Variants in LYST observed in about 807,000 individuals in gnomAD.
The protein encoded by LYST is lysosomal-trafficking regulator.
Under a neutral mutation model 413.6 loss-of-function variants are expected in LYST, and 192 were observed. The ratio of observed to expected loss-of-function variants is 0.46; its 90% confidence interval spans 0.41 to 0.52. The LOEUF is 0.52. Among genes scored for constraint, LYST ranks in the 20% least tolerant of loss-of-function variants. The pLI, the probability that LYST is intolerant of heterozygous loss-of-function variation, is 0.00. For synonymous variants in LYST, 1,525 were observed against 1,567.3 expected (o/e 0.97, Z 0.64); for missense variants, 3,815 against 4,499.9 (o/e 0.85, Z 4.35).
intron 50 of LYST, among the ~76,000 whole-genome samples, chr1:235,670,723 A>G (rs1222049300): frequency 6.6e-6 from 1 of 152,216 alleles, no homozygotes; most frequent in African/African-American, 2.4e-5. Flanking sequence ...AAGTATGTGA[A>G]TGAGATGCAC....
At chr1:235,679,439 T>C (rs1659638625) in intron 48 of LYST, among the ~76,000 whole-genome samples, 1 of 152,128 alleles carries the variant, frequency 6.6e-6, no homozygotes. Flanking sequence ...TCTTTGAAAA[T>C]TTCCTAAGTT....
At chr1:235,747,079 C>G in intron 28 of LYST, 1 of 274,298 alleles carries the variant, frequency 3.6e-6, no homozygotes, top group Non-Finnish European at 7.3e-6. Context: ...ACATATGCAT[C>G]ATTTGGAATT....
chr1:235,705,505 C>T (rs564420085), intron 44 of LYST, among the ~76,000 whole-genome samples: 2 of 151,710 alleles, frequency 1.3e-5, no homozygotes, highest in East Asian at 3.9e-4. Flanking sequence ...ACTGCCTCAG[C>T]CTTTTGAGTA....
chr1:235,690,859 G>A (rs1572004384), intron 47 of LYST, among the ~76,000 whole-genome samples: 3 of 152,002 alleles, frequency 2.0e-5, no homozygotes, highest in African/African-American at 7.2e-5. Context: ...TTACAGTCTG[G>A]AACGGTTGCA....
chr1:235,771,608 T>C (rs1191217053), intron 19 of LYST, among the ~76,000 whole-genome samples: 2 of 151,936 alleles, frequency 1.3e-5, no homozygotes. Flanking sequence ...CTTTTTTTTT[T>C]AGATCTGAAA....
At chr1:235,797,071 A>G (rs552078216) in intron 10 of LYST, among the ~76,000 whole-genome samples, 63 of 152,358 alleles carry the variant, frequency 4.1e-4, no homozygotes, top group African/African-American at 1.5e-3. Flanking sequence ...CAGTCTGTCA[A>G]TTTCTCAAAT....
rs1408975983 is a variant in LYST at position 235,810,384 on chromosome 1, C to T, written c.434G>A (p.Arg145Gln). The change falls in exon 5 of 53, where the codon CGA (arginine) becomes CAA (glutamine). Residue 145 changes from arginine to glutamine, a missense_variant. Transcript: ENST00000389793. ...AKVNVFRKSR[R>Q]QRKITHRYSV... ...ATAGCGATGGGTAATTTTACGCTGT[C>T]GTCTGCTTTTTCGAAAAACATTTAC... The T allele has an allele frequency of 5.0e-6, 8 of 1,612,822 alleles. No individual in the cohort carries two copies. The highest frequency in any genetic ancestry group is 2.2e-5 in the East Asian group (1 of 44,874).
In LYST at chr1:235,715,351, C is replaced by T; in HGVS notation, c.9634G>A (p.Glu3212Lys). Residue 3212 changes from glutamate to lysine, a missense_variant, in exon 42 of 53, where the codon GAG (glutamate) becomes AAG (lysine). Glu to Lys is a moderately conservative substitution (Grantham distance 56, BLOSUM62 1). Around this residue, in one of 4 missense-constraint regions of LYST, gnomAD observed 866 missense variants for 1,156.0 expected, o/e 0.75. Transcript: ENST00000389793. ...DRYVDTYKYL[E>K]EEYRKGARED... ...CTGGCTCCTTTGCGGTACTCTTCCT[C>T]CAAGTACTGAAAGAAACGGTGAATC... 3 of 1,613,792 alleles carry T rather than the reference C, an allele frequency of 1.9e-6. No homozygotes were observed. The highest frequency in any genetic ancestry group is 2.5e-6 in the Non-Finnish European group (3 of 1,179,844).
chr1:235,729,433 T>G (rs1032914306), intron 37 of LYST, among the ~76,000 whole-genome samples, 163 bp downstream of exon 37: 1 of 152,252 alleles, frequency 6.6e-6, no homozygotes, highest in Non-Finnish European at 1.5e-5. Context: ...TTCACATTCA[T>G]GACTCATATG....
intron 1 of LYST, among the ~76,000 whole-genome samples, chr1:235,860,690 T>A (rs1326795944): frequency 1.3e-5 from 2 of 152,208 alleles, no homozygotes. Flanking sequence ...ACTTTACAGG[T>A]ATAACTGACA....
chr1:235,800,620 A>AT (rs1672109920), intron 9 of LYST, among the ~76,000 whole-genome samples: 1 of 152,212 alleles, frequency 6.6e-6, no homozygotes, highest in Non-Finnish European at 1.5e-5. Context: ...TTTTAAAAAT[A>AT]TTACCCAGTC....
intron 45 of LYST, among the ~76,000 whole-genome samples, chr1:235,699,461 C>A (rs1439657572): frequency 1.3e-5 from 2 of 152,156 alleles, no homozygotes. Flanking sequence ...TATATATTTT[C>A]TTTATCTAGT....
chr1:235,855,002 C>T (rs1339387834), intron 1 of LYST, among the ~76,000 whole-genome samples: 4 of 152,184 alleles, frequency 2.6e-5, no homozygotes, highest in African/African-American at 9.7e-5. Context: ...CTTTTCCAAA[C>T]TCCCAACACA....
intron 8 of LYST, 98 bp downstream of exon 8, chr1:235,802,810 G>A: frequency 9.2e-7 from 1 of 1,092,212 alleles, no homozygotes; most frequent in South Asian, 1.3e-5. Flanking sequence ...TAAACTGTAA[G>A]GCAATACAAA....
At chr1:235,663,147 A>G (rs1033545456) in intron 52 of LYST, 69 bp from the exon 53 acceptor site, 2 of 1,077,636 alleles carry the variant, frequency 1.9e-6, no homozygotes, top group Non-Finnish European at 2.9e-6. Context: ...ATTGGTCATC[A>G]TACTGAGGTT....
chr1:235,789,782 G>A (rs1285173774), intron 12 of LYST, among the ~76,000 whole-genome samples: 3 of 152,172 alleles, frequency 2.0e-5, no homozygotes, highest in Non-Finnish European at 4.4e-5. Flanking sequence ...CACATCTGAT[G>A]TGAAATTTTA....
intron 14 of LYST, among the ~76,000 whole-genome samples, chr1:235,784,098 T>C (rs1212185061): frequency 6.6e-6 from 1 of 152,150 alleles, no homozygotes; most frequent in Non-Finnish European, 1.5e-5. Flanking sequence ...CAGGTTGGTC[T>C]TGAATTCCCG....
Position 235,715,340 on chromosome 1 carries a change from G to A in LYST, c.9645C>T (p.Tyr3215=). ...GGTCATCTTCTCTGGCTCCTTTGCG[G>A]TACTCTTCCTCCAAGTACTGAAAGA... The part of the protein sequence containing the change: ...VDTYKYLEEE[Y]RKGAREDDPM... Residue 3215 remains tyrosine, a synonymous_variant, in exon 42 of 53, where the codon TAC becomes TAT. Transcript: ENST00000389793. The A allele has an allele frequency of 6.2e-7, 1 of 1,613,906 alleles. No individual in the cohort carries two copies. Among genetic ancestry groups the A allele is most frequent in the Non-Finnish European group, 8.5e-7 (1 of 1,179,892 alleles).
At position 235,770,253 on chromosome 1, in the gene LYST, G is replaced by A; in HGVS notation, c.5829C>T (p.Ile1943=). The change falls in exon 20 of 53, where the codon ATC becomes ATT. Residue 1943 remains isoleucine, a synonymous_variant. Transcript: ENST00000389793. The part of the protein sequence containing the change: ...ETLLAALEVL[I]RADHHQQMFN... ...ACATCTGCTGGTGGTGATCTGCTCT[G>A]ATGAGGACTTCTAGAGCTGCTAGCA... 1 of 1,613,616 alleles carries A rather than the reference G, an allele frequency of 6.2e-7. No individual in the cohort carries two copies. Among genetic ancestry groups the A allele is most frequent in the Non-Finnish European group, 8.5e-7 (1 of 1,179,628 alleles).
Sources: gnomAD v4.1 joint callset for allele counts (sites outside exome capture counted in the v4.1 genomes callset) on GRCh38, gnomAD v4.1.1 for gene constraint, gnomAD v4.1.1 regional missense constraint, MANE v1.5 for transcripts, NCBI Gene and HGNC (gene_info 2026-07-23, HGNC 2026-07-21) for gene names.